Variants in ERBB4 observed in about 807,000 individuals in gnomAD.
ERBB4 encodes receptor tyrosine-protein kinase erbB-4.
ERBB4 carries 42 observed loss-of-function variants against 158.0 expected under a neutral mutation model. The observed-to-expected ratio is 0.27, with a 90% CI of 0.21 to 0.34. ERBB4 has a LOEUF of 0.34. Ranked by LOEUF, ERBB4 falls within the 10% of genes least tolerant of loss-of-function variation. ERBB4 has a pLI of 1.00. For missense variants in ERBB4, 1,333 were observed against 1,624.1 expected (o/e 0.82, Z 3.08); for synonymous variants, 583 against 558.7 (o/e 1.04, Z -0.61).
intron 2 of ERBB4, among the ~76,000 whole-genome samples, chr2:211,965,172 A>C (rs1357035226): frequency 1.3e-5 from 2 of 152,212 alleles, no homozygotes; most frequent in South Asian, 2.1e-4. Flanking sequence ...TAAGAAGGAC[A>C]GCATGTGAAA....
At chr2:211,890,377 G>C (rs1482838867) in intron 3 of ERBB4, among the ~76,000 whole-genome samples, 7 of 145,148 alleles carry the variant, frequency 4.8e-5, no homozygotes, top group Admixed American at 4.8e-4. Context: ...TCACCACTAG[G>C]CCTGCCCTAA....
At chr2:212,161,117 G>A (rs2081191247) in intron 1 of ERBB4, among the ~76,000 whole-genome samples, 1 of 151,906 alleles carries the variant, frequency 6.6e-6, no homozygotes, top group East Asian at 1.9e-4. Context: ...ATGGAAGGCT[G>A]CTTAAAATAG....
At chr2:211,693,388 C>CA (rs553888497) in intron 12 of ERBB4, among the ~76,000 whole-genome samples, 10 of 151,692 alleles carry the variant, frequency 6.6e-5, no homozygotes, top group Admixed American at 6.6e-5. Context: ...TTAGTAAATG[C>CA]AAAAAAACCC....
intron 2 of ERBB4, among the ~76,000 whole-genome samples, chr2:212,092,665 A>T (rs2078813801): frequency 6.6e-6 from 1 of 152,172 alleles, no homozygotes; most frequent in Non-Finnish European, 1.5e-5. Context: ...TGTTGATTAG[A>T]TGGTTGAATA....
chr2:212,265,718 T>C (rs1337563770), intron 1 of ERBB4, among the ~76,000 whole-genome samples: 2 of 152,090 alleles, frequency 1.3e-5, no homozygotes, highest in East Asian at 3.9e-4. Flanking sequence ...ATATACTCCA[T>C]GATACAATAA....
Position 211,657,751 on chromosome 2 carries a change from T to C in ERBB4, c.1946+3A>G, listed in dbSNP as rs746308789. The stretch of plus-strand genomic sequence containing the variant: ...GACAAAATGGAAACATGGTAGATGT[T>C]ACCTAGCATGTTGTGGTAAAGTGGA... On this transcript the variant is annotated splice_donor_region_variant and intron_variant, in intron 16 of 27. Coordinates refer to ENST00000342788, the MANE Select transcript of ERBB4 (RefSeq NM_005235.3). The C allele has an allele frequency of 3.7e-6, 6 of 1,608,896 alleles. No individual in the cohort carries two copies. The highest frequency in any genetic ancestry group is 4.3e-6 in the Non-Finnish European group (5 of 1,175,180).
intron 1 of ERBB4, among the ~76,000 whole-genome samples, chr2:212,239,539 T>C (rs1031564164): frequency 2.0e-5 from 3 of 152,190 alleles, no homozygotes; most frequent in Admixed American, 6.5e-5. Context: ...ATTTTCATCA[T>C]CTTCCTCTGA....
At chr2:211,429,005 C>T (rs1399796675) in intron 21 of ERBB4, among the ~76,000 whole-genome samples, 1 of 151,092 alleles carries the variant, frequency 6.6e-6, no homozygotes, top group Non-Finnish European at 1.5e-5. Flanking sequence ...AGCCACCCTG[C>T]TTGGTCATAC....
rs141190443 is a variant in ERBB4, at chr2:211,618,400, T to G, written c.2301+777A>C. Among the ~76,000 whole-genome samples the G allele has an allele frequency of 9.9e-5, 15 of 152,196 alleles. No homozygotes were observed. The East Asian group carries it at 2.7e-3, about 27-fold the overall frequency. On this transcript the variant is annotated intron_variant, in intron 19 of 27. Transcript: ENST00000342788. The stretch of plus-strand genomic sequence containing the variant: ...CACCCATTTGCATTAGTTTTTGTTT[T>G]GTTTGGTTTTGCTTTAATTATCTAT...
intron 1 of ERBB4, among the ~76,000 whole-genome samples, chr2:212,172,065 A>T (rs1367595616): frequency 5.9e-5 from 9 of 152,156 alleles, no homozygotes. Context: ...AATTTAAACA[A>T]ATTACAAGAA....
At chr2:212,329,345 C>CT (rs1340669537) in intron 1 of ERBB4, among the ~76,000 whole-genome samples, 2 of 151,950 alleles carry the variant, frequency 1.3e-5, no homozygotes, top group African/African-American at 2.4e-5. Flanking sequence ...TATAGAATTG[C>CT]TTTTTTAGCT....
intron 2 of ERBB4, among the ~76,000 whole-genome samples, chr2:212,063,902 TTAAAGACCAC>T (rs1241399359): frequency 6.6e-6 from 1 of 152,122 alleles, no homozygotes; most frequent in Non-Finnish European, 1.5e-5. Flanking sequence ...GTAGGAGCTA[TTAAAGACCAC>T]TAAAGCTGGA....
At chr2:211,513,367 AAAAAAAAAAC>A (rs1348353629) in intron 20 of ERBB4, among the ~76,000 whole-genome samples, 6 of 138,114 alleles carry the variant, frequency 4.3e-5, no homozygotes, top group African/African-American at 1.5e-4. Flanking sequence ...CAAAAAAAAA[AAAAAAAAAAC>A]AAAAAAAAAA....
intron 16 of ERBB4, among the ~76,000 whole-genome samples, chr2:211,653,464 GCCCCCCGCACCCGCCC>G (rs1462302277): frequency 2.9e-5 from 2 of 68,608 alleles, no homozygotes; most frequent in Non-Finnish European, 6.8e-5. Flanking sequence ...CTTCCCCCCC[GCCCCCCGCACCCGCCC>G]CCCCCCACGC....
At chr2:212,091,729 G>T (rs1205996256) in intron 2 of ERBB4, among the ~76,000 whole-genome samples, 1 of 152,032 alleles carries the variant, frequency 6.6e-6, no homozygotes, top group Non-Finnish European at 1.5e-5. Flanking sequence ...ATTAACAATA[G>T]CTAGTTTTAG....
At chr2:211,774,615 C>T (rs547958494) in intron 4 of ERBB4, among the ~76,000 whole-genome samples, 8 of 152,218 alleles carry the variant, frequency 5.3e-5, no homozygotes, top group East Asian at 1.9e-4. Context: ...GTTAGGATAT[C>T]GCGGCTGTTG....
chr2:212,481,697 T>G (rs1689706869), intron 1 of ERBB4, among the ~76,000 whole-genome samples: 1 of 152,188 alleles, frequency 6.6e-6, no homozygotes, highest in African/African-American at 2.4e-5. Context: ...TTTCTTCTCA[T>G]CTAGTTTGGA....
intron 18 of ERBB4, among the ~76,000 whole-genome samples, chr2:211,623,034 TATATATATATAA>T (rs1350668058): frequency 7.2e-4 from 48 of 66,344 alleles, no homozygotes; most frequent in African/African-American, 2.2e-3. Context: ...TATATATATA[TATATATATATAA>T]AATGCCAAAG....
At chr2:212,446,278 T>C (rs551672317) in intron 1 of ERBB4, among the ~76,000 whole-genome samples, 5 of 149,360 alleles carry the variant, frequency 3.3e-5, no homozygotes, top group African/African-American at 9.9e-5. Context: ...TGTAAGGGTG[T>C]TGCCAGAAGA....
Sources: gnomAD v4.1 joint callset for allele counts (sites outside exome capture counted in the v4.1 genomes callset) on GRCh38, gnomAD v4.1.1 for gene constraint, MANE v1.5 for transcripts, NCBI Gene and HGNC (gene_info 2026-07-23, HGNC 2026-07-21) for gene names.